The following DSCAM variants were observed in gnomAD, a reference collection of about 807,000 sequenced individuals.
DSCAM encodes cell adhesion molecule DSCAM.
In DSCAM, 47 loss-of-function variants were observed where a neutral mutation model predicts 217.7. The ratio of observed to expected loss-of-function variants is 0.22; its 90% confidence interval spans 0.17 to 0.28. The LOEUF (loss-of-function observed/expected upper bound fraction) is 0.28. DSCAM is among the 10% of genes least tolerant of loss of function. The pLI, the probability that DSCAM is intolerant of heterozygous loss-of-function variation, is 1.00. For missense variants in DSCAM, 2,080 were observed against 2,618.3 expected, an observed-to-expected ratio of 0.79 and a Z score of 4.49; for synonymous variants, 1,056 against 1,015.3, an observed-to-expected ratio of 1.04 and a Z score of -0.76.
chr21:40,321,379 C>A (rs967074317), intron 8 of DSCAM, among the ~76,000 whole-genome samples: 13 of 152,212 alleles, frequency 8.5e-5, no homozygotes, highest in Non-Finnish European at 1.6e-4. Context: ...TTAATCTAAG[C>A]TTCTTCAATT....
intron 3 of DSCAM, among the ~76,000 whole-genome samples, chr21:40,648,173 C>A (rs567100334): frequency 6.6e-6 from 1 of 151,264 alleles, no homozygotes; most frequent in Non-Finnish European, 1.5e-5. Context: ...TGGGGTGATA[C>A]TAAAATAATT....
intron 20 of DSCAM, among the ~76,000 whole-genome samples, chr21:40,120,465 T>C (rs987640713): frequency 2.6e-5 from 4 of 152,196 alleles, no homozygotes; most frequent in Non-Finnish European, 5.9e-5. Flanking sequence ...GACGGGAGCG[T>C]TGGGGAGGAA....
At chr21:40,171,138 C>G (rs186718645) in intron 15 of DSCAM, among the ~76,000 whole-genome samples, 1 of 152,166 alleles carries the variant, frequency 6.6e-6, no homozygotes, top group South Asian at 2.1e-4. Context: ...AATGCAGTGG[C>G]ACTATCTCGA....
chr21:40,396,535 T>A (rs1300445349), intron 3 of DSCAM, among the ~76,000 whole-genome samples: 4 of 152,180 alleles, frequency 2.6e-5, no homozygotes, highest in Non-Finnish European at 1.5e-5. Context: ...GCAGTGTTCC[T>A]GAGCTGGGTG....
intron 30 of DSCAM, 31 bp downstream of exon 30, chr21:40,051,927 C>A: frequency 6.3e-7 from 1 of 1,589,234 alleles, no homozygotes; most frequent in Non-Finnish European, 8.6e-7. Context: ...TTGTTAACAC[C>A]CACACATTTT....
chr21:40,304,830 C>T (rs2074054221), intron 9 of DSCAM, among the ~76,000 whole-genome samples: 1 of 152,076 alleles, frequency 6.6e-6, no homozygotes, highest in African/African-American at 2.4e-5. Flanking sequence ...CAACATTTAT[C>T]GATTAAGTTT....
chr21:40,381,062 C>CAAAAAAAAAAAAA (rs71186932), intron 3 of DSCAM, among the ~76,000 whole-genome samples: 4 of 66,216 alleles, frequency 6.0e-5, no homozygotes, highest in African/African-American at 1.8e-4. Context: ...GACTCCGTCT[C>CAAAAAAAAAAAAA]AAAAAAAAAA....
chr21:40,058,235 T>C (rs1180978416), intron 28 of DSCAM, among the ~76,000 whole-genome samples: 4 of 152,068 alleles, frequency 2.6e-5, no homozygotes, highest in Admixed American at 6.6e-5. Flanking sequence ...ACACTTCCCC[T>C]GCTACCCCCA....
At chr21:40,292,611 T>C (rs2073907101) in intron 10 of DSCAM, among the ~76,000 whole-genome samples, 1 of 152,178 alleles carries the variant, frequency 6.6e-6, no homozygotes, top group African/African-American at 2.4e-5. Context: ...TGTCAATACA[T>C]ATTGAAAGTT....
chr21:40,241,893 A>G (rs972784472), intron 11 of DSCAM, among the ~76,000 whole-genome samples: 3 of 152,236 alleles, frequency 2.0e-5, no homozygotes, highest in African/African-American at 7.2e-5. Flanking sequence ...AACTAATGCA[A>G]GAACAGAAAA....
At chr21:40,417,458 G>A (rs765605873) in intron 3 of DSCAM, among the ~76,000 whole-genome samples, 4 of 152,102 alleles carry the variant, frequency 2.6e-5, no homozygotes, top group African/African-American at 9.7e-5. Context: ...GTAAATTTCT[G>A]AGTACAATAG....
intron 3 of DSCAM, among the ~76,000 whole-genome samples, chr21:40,587,984 C>T (rs1271832180): frequency 6.6e-6 from 1 of 152,268 alleles, no homozygotes; most frequent in Non-Finnish European, 1.5e-5. Context: ...CTTCATGCGG[C>T]CTTGTTTTCA....
chr21:40,553,195 T>C (rs901753427), intron 3 of DSCAM, among the ~76,000 whole-genome samples: 2 of 152,260 alleles, frequency 1.3e-5, no homozygotes, highest in Non-Finnish European at 2.9e-5. Context: ...CATTTCTTTC[T>C]AGATTGTAGA....
chr21:40,643,994 G>A (rs1212566495), intron 3 of DSCAM, among the ~76,000 whole-genome samples: 1 of 152,142 alleles, frequency 6.6e-6, no homozygotes, highest in Non-Finnish European at 1.5e-5. Flanking sequence ...GAGACCAGCA[G>A]GCTCACCATG....
At chr21:40,423,132 G>A (rs1443175081) in intron 3 of DSCAM, among the ~76,000 whole-genome samples, 1 of 152,186 alleles carries the variant, frequency 6.6e-6, no homozygotes, top group East Asian at 1.9e-4. Flanking sequence ...AAAGTCCAGA[G>A]GGCATAGAAG....
chr21:40,440,415 A>T (rs1054334145), intron 3 of DSCAM, among the ~76,000 whole-genome samples: 2 of 135,786 alleles, frequency 1.5e-5, no homozygotes, highest in African/African-American at 2.8e-5. Context: ...ACTGAACAGC[A>T]CTTACAGACA....
chr21:40,152,773 G>A (rs2090437447), intron 16 of DSCAM, among the ~76,000 whole-genome samples: 1 of 152,242 alleles, frequency 6.6e-6, no homozygotes, highest in African/African-American at 2.4e-5. Context: ...AACAGTAGAC[G>A]TGCAAATGCT....
chr21:40,249,376 G>A (rs1408639673), intron 11 of DSCAM, among the ~76,000 whole-genome samples: 1 of 152,104 alleles, frequency 6.6e-6, no homozygotes, highest in Non-Finnish European at 1.5e-5. Flanking sequence ...TTTATCAGAG[G>A]TTTCTGCTTT....
chr21:40,131,672 C>T (rs1421375040), intron 19 of DSCAM, among the ~76,000 whole-genome samples: 1 of 152,144 alleles, frequency 6.6e-6, no homozygotes, highest in East Asian at 1.9e-4. Flanking sequence ...CGATCCACCA[C>T]TCCACTTCTT....
Sources: allele counts gnomAD v4.1 joint callset (sites outside exome capture counted in the v4.1 genomes callset), GRCh38; gene constraint gnomAD v4.1.1; transcripts MANE v1.5; gene names NCBI Gene and HGNC (gene_info 2026-07-23, HGNC 2026-07-21).